Variants in HIP1 observed in about 807,000 individuals in gnomAD.
HIP1 encodes huntingtin interacting protein 1, also known as huntingtin-interacting protein 1.
A neutral mutation model predicts 147.6 loss-of-function variants in HIP1; 65 were observed. The observed-to-expected ratio is 0.44, with a 90% CI of 0.36 to 0.54. The LOEUF is 0.54. HIP1 is among the 20% of genes least tolerant of loss of function. The pLI, the probability that HIP1 is intolerant of heterozygous loss-of-function variation, is 0.00. For missense variants in HIP1, 1,061 were observed against 1,299.6 expected, an observed-to-expected ratio of 0.82 and a Z score of 2.82; for synonymous variants, 479 against 504.0, an observed-to-expected ratio of 0.95 and a Z score of 0.67.
At chr7:75,662,704 C>A (rs576470257) in intron 1 of HIP1, among the ~76,000 whole-genome samples, 1 of 152,158 alleles carries the variant, frequency 6.6e-6, no homozygotes, top group East Asian at 1.9e-4. Context: ...CGGGATTTCA[C>A]CATGTTGGTC....
chr7:75,643,160 C>T (rs1023079219), intron 1 of HIP1, among the ~76,000 whole-genome samples: 1 of 152,146 alleles, frequency 6.6e-6, no homozygotes, highest in African/African-American at 2.4e-5. Context: ...TTATAGCCTC[C>T]TTTAGAGGCA....
chr7:75,663,478 C>T (rs556275064), intron 1 of HIP1, among the ~76,000 whole-genome samples: 153 of 152,044 alleles, frequency 1.0e-3, no homozygotes, highest in Non-Finnish European at 1.7e-3. Flanking sequence ...CTGCTCCTAC[C>T]CCTACAGCAG....
At chr7:75,686,354 A>G (rs1020854816) in intron 1 of HIP1, among the ~76,000 whole-genome samples, 9 of 152,206 alleles carry the variant, frequency 5.9e-5, no homozygotes, top group Admixed American at 5.2e-4. Context: ...GAAAAGTTTA[A>G]AAGCTTTGGT....
Position 75,549,004 on chromosome 7 carries a change from G to T in HIP1, c.2296-3C>A. On this transcript the variant is annotated splice_region_variant and splice_polypyrimidine_tract_variant and intron_variant, in intron 22 of 30. Coordinates refer to ENST00000336926, the MANE Select transcript of HIP1 (RefSeq NM_005338.7). ...TCCAGTCCCCTGGGCAGGAGCTCCT[G>T]TGAACACATCACAAAGGCTGAACTG... 1 of 1,603,662 alleles carries T rather than the reference G, an allele frequency of 6.2e-7. No individual in the cohort carries two copies. Among genetic ancestry groups the T allele is most frequent in the Middle Eastern group, 1.7e-4 (1 of 6,038 alleles).
At chr7:75,676,622 CA>C (rs1799899191) in intron 1 of HIP1, among the ~76,000 whole-genome samples, 1 of 151,438 alleles carries the variant, frequency 6.6e-6, no homozygotes, top group African/African-American at 2.4e-5. Context: ...ACTAAAAACA[CA>C]AAATTAGGTG....
chr7:75,664,112 A>T (rs1156752947), intron 1 of HIP1, among the ~76,000 whole-genome samples: 2 of 101,170 alleles, frequency 2.0e-5, no homozygotes, highest in African/African-American at 8.3e-5. Flanking sequence ...ACATACATGT[A>T]TGCATATATG....
At chr7:75,719,503 C>CA (rs782452885) in intron 1 of HIP1, among the ~76,000 whole-genome samples, 22,865 of 117,668 alleles carry the variant, frequency 0.19, 1,972 homozygotes, top group Middle Eastern at 0.3. Context: ...GACTCCATCT[C>CA]AAAAAAAAAA....
chr7:75,549,274 AC>A (rs1184567421), intron 22 of HIP1, among the ~76,000 whole-genome samples: 1 of 150,852 alleles, frequency 6.6e-6, no homozygotes, highest in Non-Finnish European at 1.5e-5. Flanking sequence ...CACCACTAAG[AC>A]CCCAGTCCCT....
intron 8 of HIP1, among the ~76,000 whole-genome samples, chr7:75,570,586 C>A (rs973429464): frequency 9.2e-5 from 14 of 151,980 alleles, no homozygotes; most frequent in Non-Finnish European, 2.1e-4. Context: ...CCACCGTGCC[C>A]GGCCAGTTGT....
At chr7:75,685,085 C>T (rs10954258) in intron 1 of HIP1, among the ~76,000 whole-genome samples, 71,871 of 151,158 alleles carry the variant, frequency 0.48, 17,619 homozygotes, top group African/African-American at 0.59. Flanking sequence ...AGCGAGACTC[C>T]GTCTCAAAAA....
intron 1 of HIP1, among the ~76,000 whole-genome samples, chr7:75,682,459 T>C (rs1554517046): frequency 6.6e-6 from 1 of 151,286 alleles, no homozygotes; most frequent in Admixed American, 6.6e-5. Flanking sequence ...GGGATCTCAC[T>C]ATGTTGCCCA....
intron 1 of HIP1, among the ~76,000 whole-genome samples, chr7:75,678,399 G>A (rs537908352): frequency 2.9e-5 from 4 of 136,916 alleles, no homozygotes; most frequent in Admixed American, 8.1e-5. Flanking sequence ...GCTGGAGTAC[G>A]GTGGCACAAT....
chr7:75,573,991 A>G, intron 7 of HIP1, 90 bp from the exon 8 acceptor site: 1 of 1,118,082 alleles, frequency 8.9e-7, no homozygotes, highest in Non-Finnish European at 1.3e-6. Context: ...TCCAACATAC[A>G]CCAAGGACCG....
rs577883642 is a variant in HIP1 at position 75,730,837 on chromosome 7, C to A, written c.120+7964G>T. 1.8e-4 allele frequency among the ~76,000 whole-genome samples: 27 copies of A among 148,150 alleles called. No individual in the cohort carries two copies. In the East Asian group the frequency reaches 5.3e-3, roughly 29 times the overall value. On this transcript the variant is annotated intron_variant, in intron 1 of 30. Transcript: ENST00000336926. ...AACCTCCCCACTTTCCGGGTTCAAG[C>A]GATCCTCCTGCTTCAGCCTCCCGAG...
intron 1 of HIP1, among the ~76,000 whole-genome samples, chr7:75,613,164 C>T (rs1224208022): frequency 6.6e-6 from 1 of 151,960 alleles, no homozygotes; most frequent in African/African-American, 2.4e-5. Context: ...TTGGCCATGG[C>T]AGGTTGCAGT....
At chr7:75,634,644 G>A (rs1163088002) in intron 1 of HIP1, among the ~76,000 whole-genome samples, 2 of 152,070 alleles carry the variant, frequency 1.3e-5, no homozygotes, top group Non-Finnish European at 2.9e-5. Context: ...CTTTTATATA[G>A]GCCAGGTGTG....
chr7:75,601,129 T>TA (rs782742612), intron 1 of HIP1, among the ~76,000 whole-genome samples: 9 of 152,050 alleles, frequency 5.9e-5, no homozygotes, highest in Non-Finnish European at 4.4e-5. Context: ...GTTTTTTTTT[T>TA]AAACAGGTTC....
intron 1 of HIP1, among the ~76,000 whole-genome samples, chr7:75,685,262 C>A (rs1468447569): frequency 6.6e-6 from 1 of 151,998 alleles, no homozygotes; most frequent in Non-Finnish European, 1.5e-5. Context: ...AAAAAAACCC[C>A]AAAAGCCAAA....
chr7:75,672,257 T>C (rs1281652669), intron 1 of HIP1, among the ~76,000 whole-genome samples: 2 of 152,196 alleles, frequency 1.3e-5, no homozygotes, highest in African/African-American at 4.8e-5. Flanking sequence ...ATTCTGGGTA[T>C]CAATTCCTTA....
Sources: allele counts gnomAD v4.1 joint callset (sites outside exome capture counted in the v4.1 genomes callset), GRCh38; gene constraint gnomAD v4.1.1; transcripts MANE v1.5; gene names NCBI Gene and HGNC (gene_info 2026-07-23, HGNC 2026-07-21).